HS3ST5: variants seen among roughly 807,000 people sequenced by gnomAD.
The protein encoded by HS3ST5 is heparan sulfate-glucosamine 3-sulfotransferase 5, also known as heparan sulfate glucosamine 3-O-sulfotransferase 5.
HS3ST5 carries 10 observed loss-of-function variants against 25.4 expected under a neutral mutation model. The ratio of observed to expected loss-of-function variants is 0.39; its 90% CI spans 0.24 to 0.67. HS3ST5 has a LOEUF of 0.67. Ranked by LOEUF, HS3ST5 falls within the 30% of genes least tolerant of loss-of-function variation. The pLI is 0.44. For missense variants in HS3ST5, 324 were observed against 420.7 expected (o/e 0.77, Z 2.01); for synonymous variants, 170 against 162.4 (o/e 1.05, Z -0.36).
intron 1 of HS3ST5, among the ~76,000 whole-genome samples, chr6:114,294,026 G>T (rs771125821): frequency 6.6e-6 from 1 of 152,178 alleles, no homozygotes; most frequent in Non-Finnish European, 1.5e-5. Flanking sequence ...TTTAAACTAT[G>T]GAAAGAGCTG....
At chr6:114,175,208 G>A (rs759188720) in intron 2 of HS3ST5, among the ~76,000 whole-genome samples, 2 of 152,040 alleles carry the variant, frequency 1.3e-5, no homozygotes, top group Non-Finnish European at 2.9e-5. Flanking sequence ...TATAATCACC[G>A]AACTTTAAAG....
At chr6:114,199,176 A>G (rs1466022521) in intron 2 of HS3ST5, among the ~76,000 whole-genome samples, 1 of 152,190 alleles carries the variant, frequency 6.6e-6, no homozygotes, top group East Asian at 1.9e-4. Context: ...CAAATATAAA[A>G]CTAGAGACAT....
At chr6:114,134,191 T>C (rs756045791) in intron 3 of HS3ST5, among the ~76,000 whole-genome samples, 8 of 152,142 alleles carry the variant, frequency 5.3e-5, no homozygotes, top group Non-Finnish European at 1.2e-4. Context: ...AATAGCAGCC[T>C]CCTACTGTGT....
At chr6:114,327,644 C>A (rs116817662) in intron 1 of HS3ST5, among the ~76,000 whole-genome samples, 2,491 of 150,884 alleles carry the variant, frequency 0.017, 61 homozygotes, top group African/African-American at 0.056. Context: ...AACATAAGGT[C>A]CAGACATGCA....
intron 1 of HS3ST5, among the ~76,000 whole-genome samples, chr6:114,288,173 A>T (rs576682199): frequency 1.7e-4 from 26 of 152,268 alleles, no homozygotes; most frequent in African/African-American, 6.3e-4. Context: ...AGTAATGTAA[A>T]GCAGCAGTGT....
Position 114,119,054 on chromosome 6 carries a change from T to G in HS3ST5, c.-33+49297A>C, listed in dbSNP as rs564400051. 6.1e-4 allele frequency among the ~76,000 whole-genome samples: 93 copies of G among 152,310 alleles called. 2 individuals are homozygous for G. The highest frequency in any genetic ancestry group is 6.8e-3 in the Middle Eastern group (2 of 294). Reference sequence around the variant, plus strand: ...GGTTGTTTGTAATCAAAGCATAACATGTACTGTCCCTATGAGACAATTCAC... The same window carrying G: ...GGTTGTTTGTAATCAAAGCATAACAGGTACTGTCCCTATGAGACAATTCAC... On this transcript the variant is annotated intron_variant, in intron 3 of 4. Coordinates refer to ENST00000312719, the MANE Select transcript of HS3ST5 (RefSeq NM_153612.4).
intron 3 of HS3ST5, among the ~76,000 whole-genome samples, chr6:114,151,986 G>A (rs1305686676): frequency 6.6e-6 from 1 of 151,636 alleles, no homozygotes; most frequent in Non-Finnish European, 1.5e-5. Context: ...GCTGGAGTAC[G>A]GTGGCGTGAT....
intron 2 of HS3ST5, among the ~76,000 whole-genome samples, chr6:114,214,596 G>A (rs972992057): frequency 3.3e-5 from 5 of 152,124 alleles, no homozygotes; most frequent in East Asian, 1.9e-4. Flanking sequence ...TTAACTGCAC[G>A]TCAGAAACAA....
At position 114,057,438 on chromosome 6, in the gene HS3ST5, T is replaced by A; in HGVS notation, c.860A>T (p.Asn287Ile). 1 of 1,614,162 alleles carries A rather than the reference T, an allele frequency of 6.2e-7. No individual in the cohort carries two copies. The highest frequency in any genetic ancestry group is 8.5e-7 in the Non-Finnish European group (1 of 1,180,020). The change falls in exon 5 of 5, where the codon AAT (asparagine) becomes ATT (isoleucine). Residue 287 changes from asparagine to isoleucine, a missense_variant. Coordinates refer to ENST00000312719, the MANE Select transcript of HS3ST5 (RefSeq NM_153612.4). Reference sequence around the variant, plus strand: ...CAAGCAGTAAAACCCTCTGGTAGCATTGAAGTATAAATTGTATTGACTTAT... The same window carrying A: ...CAAGCAGTAAAACCCTCTGGTAGCAATGAAGTATAAATTGTATTGACTTAT... Reference protein sequence around the residue: ...PRISQYNLYFNATRGFYCLRF... With the variant: ...PRISQYNLYFIATRGFYCLRF...
At chr6:114,119,875 TAAAC>T (rs1019634532) in intron 3 of HS3ST5, among the ~76,000 whole-genome samples, 3 of 152,010 alleles carry the variant, frequency 2.0e-5, no homozygotes, top group African/African-American at 7.2e-5. Flanking sequence ...GCAAGAGAGA[TAAAC>T]AATAAAGAAG....
chr6:114,062,771 C>T lies in HS3ST5; in HGVS notation c.75G>A (p.Leu25=), dbSNP rs376058585. The T allele has an allele frequency of 1.9e-6, 3 of 1,614,076 alleles. No individual in the cohort carries two copies. The highest frequency in any genetic ancestry group is 3.3e-5 in the Admixed American group (2 of 60,020). ...VLGSLAVGSL[L]YLVARVGSLD... is the part of the protein sequence containing the mutation. ...AGCTCCCAACTCTGGCGACTAGATA[C>T]AGGAGACTCCCAACGGCAAGGCTTC... Residue 25 remains leucine (L), a synonymous_variant, in exon 4 of 5, where the codon CTG becomes CTA. Transcript: ENST00000312719.
chr6:114,065,772 A>C (rs1469137043), intron 3 of HS3ST5, among the ~76,000 whole-genome samples: 1 of 152,206 alleles, frequency 6.6e-6, no homozygotes, highest in Non-Finnish European at 1.5e-5. Flanking sequence ...TAAAGGAAAA[A>C]TGTTCTTGCC....
At chr6:114,261,196 G>A (rs558062888) in intron 1 of HS3ST5, among the ~76,000 whole-genome samples, 1 of 152,324 alleles carries the variant, frequency 6.6e-6, no homozygotes, top group African/African-American at 2.4e-5. Context: ...AGGTATGAAA[G>A]ATAGGACTGA....
chr6:114,169,105 A>G (rs1779350067), intron 2 of HS3ST5, among the ~76,000 whole-genome samples: 1 of 152,190 alleles, frequency 6.6e-6, no homozygotes, highest in South Asian at 2.1e-4. Context: ...TTTAAAAGTA[A>G]TATTTAATTA....
At chr6:114,138,640 C>T (rs781329382) in intron 3 of HS3ST5, among the ~76,000 whole-genome samples, 16 of 152,290 alleles carry the variant, frequency 1.1e-4, no homozygotes, top group Non-Finnish European at 1.6e-4. Flanking sequence ...GACCCATCTA[C>T]GTGGCTCCCC....
At chr6:114,143,237 CA>C (rs1650659848) in intron 3 of HS3ST5, among the ~76,000 whole-genome samples, 1 of 152,190 alleles carries the variant, frequency 6.6e-6, no homozygotes, top group South Asian at 2.1e-4. Context: ...ATATCTACTT[CA>C]TGAGACTGTT....
intron 3 of HS3ST5, chr6:114,084,077 TTTC>T (rs1399490296): frequency 1.0e-5 from 6 of 590,020 alleles, no homozygotes; most frequent in South Asian, 6.5e-5. Context: ...CTGATCATAT[TTTC>T]TTTTCTTTTT....
At chr6:114,078,841 C>A (rs749182765) in intron 3 of HS3ST5, among the ~76,000 whole-genome samples, 2 of 152,136 alleles carry the variant, frequency 1.3e-5, no homozygotes, top group Non-Finnish European at 2.9e-5. Flanking sequence ...TATAGGCACA[C>A]CTTGGAGATG....
intron 2 of HS3ST5, among the ~76,000 whole-genome samples, chr6:114,196,415 T>G (rs1457165989): frequency 1.3e-5 from 2 of 152,140 alleles, no homozygotes; most frequent in Non-Finnish European, 2.9e-5. Flanking sequence ...TACCCGTCCT[T>G]CCGCTGAGTG....
Sources: allele counts gnomAD v4.1 joint callset (sites outside exome capture counted in the v4.1 genomes callset), GRCh38; gene constraint gnomAD v4.1.1; transcripts MANE v1.5; gene names NCBI Gene and HGNC (gene_info 2026-07-23, HGNC 2026-07-21).